The following AGBL5 variants were observed in gnomAD, a reference collection of about 807,000 sequenced individuals.
The protein encoded by AGBL5 is AGBL carboxypeptidase 5, also known as cytosolic carboxypeptidase-like protein 5.
AGBL5 carries 51 observed loss-of-function variants against 88.0 expected under a neutral mutation model. The observed-to-expected ratio is 0.58, with a 90% CI of 0.46 to 0.73. The LOEUF is 0.73. AGBL5 is among the 30% of genes least tolerant of loss of function. The pLI, the probability that AGBL5 is intolerant of heterozygous loss-of-function variation, is 0.00. For synonymous variants in AGBL5, 446 were observed against 438.8 expected (o/e 1.02, Z -0.21); for missense variants, 1,031 against 1,162.2 (o/e 0.89, Z 1.64).
intron 9 of AGBL5, 74 bp from the exon 10 acceptor site, chr2:27,058,326 G>A: frequency 6.5e-7 from 1 of 1,548,852 alleles, no homozygotes; most frequent in Non-Finnish European, 8.9e-7. Context: ...CTTCCACTGT[G>A]CTGTGTACCC....
intron 7 of AGBL5, 104 bp from the exon 8 acceptor site, chr2:27,056,519 G>A: frequency 1.0e-6 from 1 of 984,074 alleles, no homozygotes; most frequent in Non-Finnish European, 1.5e-6. Flanking sequence ...GGTTGTGATG[G>A]TATCTGCTGT....
Position 27,052,938 on chromosome 2 carries a change from G to A in AGBL5, c.-21G>A. 2 of 1,573,708 alleles carry A rather than the reference G, an allele frequency of 1.3e-6. No individual in the cohort carries two copies. The highest frequency in any genetic ancestry group is 1.3e-5 in the African/African-American group (1 of 74,396). Reference sequence around the variant, plus strand: ...CTCTCAGGGCCAGAGCGGGGCAGGAGGATGCTTTCCCAGCCCCACCATGGA... The same window carrying A: ...CTCTCAGGGCCAGAGCGGGGCAGGAAGATGCTTTCCCAGCCCCACCATGGA... On this transcript the variant is annotated 5_prime_UTR_variant, in exon 2 of 15. Transcript: ENST00000360131.
In AGBL5 at chr2:27,058,578, T is replaced by C. The variant is rs112691213; in HGVS notation, c.1850T>C (p.Leu617Pro). The change falls in exon 10 of 15, where the codon CTT becomes CCT. Residue 617 changes from leucine (L) to proline (P), a missense_variant. Physicochemically the swap from Leu to Pro is moderately conservative, Grantham distance 98 (BLOSUM62 -3). This residue lies in a region of AGBL5 where 491 missense variants were observed against 484.0 expected (regional missense o/e 1.01). Transcript: ENST00000360131. ...LNVGVNKKRG[L>P]RTPPKSHNGL... ...GTGGGTGTCAACAAGAAGAGGGGCC[T>C]TCGAACTCCACCCAAAAGTCACAAG... The C allele has an allele frequency of 6.2e-7, 1 of 1,614,066 alleles. No homozygotes were observed.
chr2:27,052,830 G>C (rs1668229101), intron 1 of AGBL5, 83 bp from the exon 2 acceptor site: 1 of 783,544 alleles, frequency 1.3e-6, no homozygotes, highest in East Asian at 2.9e-5. Flanking sequence ...CCTAAGAATA[G>C]CTCTTATTTA....
intron 11 of AGBL5, among the ~76,000 whole-genome samples, chr2:27,066,131 T>C (rs1234028550): frequency 1.3e-5 from 2 of 150,930 alleles, no homozygotes; most frequent in Non-Finnish European, 2.9e-5. Context: ...TGGTGGCGTG[T>C]GCCTGTTGTC....
At chr2:27,056,893 G>A (rs1668458220) in intron 8 of AGBL5, 101 bp downstream of exon 8, 2 of 1,325,284 alleles carry the variant, frequency 1.5e-6, no homozygotes, top group East Asian at 2.5e-5. Context: ...CTACTGAGGA[G>A]GCTGAGGCAG....
chr2:27,057,478 TAC>T (rs1156840981), intron 9 of AGBL5, 40 bp downstream of exon 9: 1 of 1,556,394 alleles, frequency 6.4e-7, no homozygotes, highest in Non-Finnish European at 8.7e-7. Flanking sequence ...GGAGAAACCT[TAC>T]AGTCTGGAAA....
chr2:27,069,196 T>G, intron 13 of AGBL5: 1 of 1,350,888 alleles, frequency 7.4e-7, no homozygotes, highest in Non-Finnish European at 9.7e-7. Flanking sequence ...AGAGGCTGAC[T>G]GGATGGGTGA....
In AGBL5 at chr2:27,053,122, A is replaced by T; in HGVS notation, c.164A>T (p.Asn55Ile). 3.1e-6 allele frequency: 5 copies of T among 1,612,672 alleles called. No individual in the cohort carries two copies. The highest frequency in any genetic ancestry group is 3.4e-6 in the Non-Finnish European group (4 of 1,179,108). ...GCCTCTTCCCCTGACTATGAATTCA[A>T]CGTGTGGACCCGACCAGACTGTGCT... ...GIASSPDYEF[N>I]VWTRPDCAET... Residue 55 changes from asparagine (N) to isoleucine (I), a missense_variant, in exon 2 of 15, where the codon AAC (asparagine) becomes ATC (isoleucine). Asn to Ile is a moderately radical substitution (Grantham distance 149). This residue lies in a region of AGBL5 where 540 missense variants were observed against 678.2 expected (regional missense o/e 0.80). Coordinates refer to ENST00000360131, the MANE Select transcript of AGBL5 (RefSeq NM_021831.6). This position sits in a 1 kb window ranked among gnomAD's most constrained non-coding sequence, Gnocchi z 4.9.
chr2:27,068,605 C>A, intron 12 of AGBL5, 27 bp from the exon 13 acceptor site: 1 of 1,607,942 alleles, frequency 6.2e-7, no homozygotes, highest in Non-Finnish European at 8.5e-7. Context: ...GTGACCCCTA[C>A]CCTGATCAGT....
At chr2:27,066,274 T>TA (rs766365934) in intron 11 of AGBL5, among the ~76,000 whole-genome samples, 1 of 146,184 alleles carries the variant, frequency 6.8e-6, no homozygotes, top group Non-Finnish European at 1.5e-5. Context: ...AATGCAGAGA[T>TA]AGAATTGTAG....
intron 9 of AGBL5, 90 bp from the exon 10 acceptor site, chr2:27,058,310 C>T: frequency 6.9e-7 from 1 of 1,458,682 alleles, no homozygotes; most frequent in South Asian, 1.1e-5. Context: ...TCTGGCCCCT[C>T]CTTCCCTTCC....
chr2:27,054,395 A>C (rs1668325440), intron 4 of AGBL5: 7 of 567,696 alleles, frequency 1.2e-5, no homozygotes, highest in South Asian at 2.5e-5. Context: ...ACATTAAGTA[A>C]TCTATTCTAG....
rs752562043 is a variant in AGBL5, at chr2:27,059,408, A to G, written c.2089+4A>G. 4.3e-6 allele frequency: 7 copies of G among 1,614,020 alleles called. No homozygotes were observed. In the African/African-American group the frequency reaches 8.0e-5, roughly 18 times the overall value. On this transcript the variant is annotated splice_donor_region_variant and intron_variant, in intron 11 of 14. Coordinates refer to ENST00000360131, the MANE Select transcript of AGBL5 (RefSeq NM_021831.6). Reference sequence around the variant, plus strand: ...CGGGTGCTGGGCCCCGTCAGAGGTAAGCCAGTCTGGGAGCCCCTGCAACAT... The same window carrying G: ...CGGGTGCTGGGCCCCGTCAGAGGTAGGCCAGTCTGGGAGCCCCTGCAACAT...
At position 27,054,638 on chromosome 2, in the gene AGBL5, A is replaced by G. The variant is rs749755360; in HGVS notation, c.560A>G (p.Asp187Gly). The G allele has an allele frequency of 1.2e-6, 2 of 1,613,580 alleles. No homozygotes were observed. Among genetic ancestry groups the G allele is most frequent in the Non-Finnish European group, 1.7e-6 (2 of 1,179,768 alleles). Residue 187 changes from aspartate to glycine, a missense_variant, in exon 5 of 15, where the codon GAT becomes GGT. Physicochemically the swap from Asp to Gly is moderately conservative, Grantham distance 94 (BLOSUM62 -1). Transcript: ENST00000360131. ...ENHPTHSSPL[D>G]TIYYHRELLC... ...TTTTTTTTTCCCTGTAGCCCCCTGGATACCATCTATTACCATCGGGAGCTC... is the reference window on the plus strand; with the variant it reads ...TTTTTTTTTCCCTGTAGCCCCCTGGGTACCATCTATTACCATCGGGAGCTC...
chr2:27,056,002 C>T lies in AGBL5; in HGVS notation c.1229C>T (p.Ala410Val), dbSNP rs772072440. The change falls in exon 7 of 15, where the codon GCG (alanine) becomes GTG (valine). Residue 410 changes from alanine (A) to valine (V), a missense_variant. Ala to Val is a moderately conservative substitution (Grantham distance 64). Transcript: ENST00000360131. The part of the protein sequence containing the change: ...NSVWIMPQQS[A>V]GLEESAPDTI... ...GTGTGGATTATGCCACAACAGTCTG[C>T]GGGGCTTGAAGAGTCAGCCCCTGAT... 6.5e-5 allele frequency: 105 copies of T among 1,614,098 alleles called. No individual in the cohort carries two copies. In the East Asian group the frequency reaches 2.3e-3, roughly 35 times the overall value.
rs147848175 is a variant in AGBL5 at position 27,069,912 on chromosome 2, C to T, written c.2490-180C>T. On this transcript the variant is annotated intron_variant, in intron 14 of 14. Coordinates refer to ENST00000360131, the MANE Select transcript of AGBL5 (RefSeq NM_021831.6). ...AAAGCAAAAGAAAACAACTTTTAGT[C>T]AGGGCCTAAGGTCTAGGAGCTGGCT... is the stretch of plus-strand genomic sequence containing the variant. 5.1e-6 allele frequency: 5 copies of T among 985,462 alleles called. No individual in the cohort carries two copies. In the East Asian group the frequency reaches 5.7e-4, roughly 112 times the overall value. 61.0% of individuals were successfully genotyped at this position (985,462 alleles called of 1,614,324 possible).
chr2:27,068,599 C>T lies in AGBL5; in HGVS notation c.2243-33C>T, dbSNP rs370581561. ...GGAAGTTACCTCCTCTTCTCTGTGA[C>T]CCCTACCCTGATCAGTTTCCTCTGT... On this transcript the variant is annotated intron_variant, in intron 12 of 14. Coordinates refer to ENST00000360131, the MANE Select transcript of AGBL5 (RefSeq NM_021831.6). 15 of 1,600,410 alleles carry T rather than the reference C, an allele frequency of 9.4e-6. No homozygotes were observed. In the African/African-American group the frequency reaches 1.9e-4, roughly 20 times the overall value.
chr2:27,051,344 G>T (rs1316653857), upstream of AGBL5: 1 of 152,270 alleles, frequency 6.6e-6, no homozygotes. Flanking sequence ...TCCCGGCGCA[G>T]TGGGCTACGT....
Sources: gnomAD v4.1 joint callset for allele counts (sites outside exome capture counted in the v4.1 genomes callset) on GRCh38, gnomAD v4.1.1 for gene constraint, gnomAD v4.1.1 regional missense constraint, Gnocchi (gnomAD v3.1) non-coding constraint, MANE v1.5 for transcripts, NCBI Gene and HGNC (gene_info 2026-07-23, HGNC 2026-07-21) for gene names.